RFX4: variants seen among roughly 807,000 people sequenced by gnomAD.
RFX4 encodes the protein regulatory factor X4.
In RFX4, 10 loss-of-function variants were observed where a neutral mutation model predicts 95.0. The observed-to-expected ratio is 0.11, with a 90% CI of 0.06 to 0.18. The LOEUF (loss-of-function observed/expected upper bound fraction) is 0.18. Ranked by LOEUF, RFX4 falls within the 10% of genes least tolerant of loss-of-function variation. The probability of loss-of-function intolerance (pLI) is 1.00; values close to 1 mark genes in which losing one functional copy is unlikely to be tolerated. For synonymous variants in RFX4, 321 were observed against 340.7 expected (o/e 0.94, Z 0.64); for missense variants, 640 against 922.0 (o/e 0.69, Z 3.96).
intron 1 of RFX4, among the ~76,000 whole-genome samples, chr12:106,596,237 C>G (rs186790794): frequency 2.6e-5 from 4 of 152,130 alleles, no homozygotes; most frequent in African/African-American, 9.7e-5. Context: ...GCTGTTCTTG[C>G]GATAGTCAGT....
intron 2 of RFX4, among the ~76,000 whole-genome samples, chr12:106,624,293 A>G (rs1212950259): frequency 6.6e-6 from 1 of 152,186 alleles, no homozygotes; most frequent in African/African-American, 2.4e-5. Flanking sequence ...TATACATCCC[A>G]TGATCTAATA....
chr12:106,606,848 C>T (rs939845984), intron 1 of RFX4, among the ~76,000 whole-genome samples: 3 of 152,194 alleles, frequency 2.0e-5, no homozygotes, highest in African/African-American at 7.2e-5. Flanking sequence ...TTGATTTCCC[C>T]TCTCCGCATA....
In RFX4 at chr12:106,731,717, A is replaced by G. The variant is rs571683260; in HGVS notation, c.1352-413A>G. ...CTGCCATGGACATACTTAAAGTCCA[A>G]TTGGGGGAATAATATGCTGGTGGAA... On this transcript the variant is annotated intron_variant, in intron 13 of 17. Transcript: ENST00000392842. 1.1e-4 allele frequency among the ~76,000 whole-genome samples: 16 copies of G among 152,366 alleles called. No individual in the cohort carries two copies. The South Asian group carries it at 2.7e-3, about 26-fold the overall frequency.
chr12:106,717,491 T>C (rs560278192), intron 11 of RFX4, among the ~76,000 whole-genome samples: 1 of 152,300 alleles, frequency 6.6e-6, no homozygotes, highest in South Asian at 2.1e-4. Flanking sequence ...TCAAGTTCCT[T>C]TAGGTCCAGG....
intron 4 of RFX4, among the ~76,000 whole-genome samples, chr12:106,658,706 T>A (rs1049962963): frequency 1.3e-5 from 2 of 152,184 alleles, no homozygotes; most frequent in African/African-American, 4.8e-5. Context: ...GCTATGACTG[T>A]CACCCAAATG....
At chr12:106,653,728 A>G (rs1386792605) in intron 3 of RFX4, among the ~76,000 whole-genome samples, 3 of 152,196 alleles carry the variant, frequency 2.0e-5, no homozygotes. Context: ...CTGTACAGCT[A>G]TACAGGCCTC....
At chr12:106,651,437 T>A (rs1048782696) in intron 3 of RFX4, among the ~76,000 whole-genome samples, 2 of 152,148 alleles carry the variant, frequency 1.3e-5, no homozygotes, top group African/African-American at 4.8e-5. Flanking sequence ...TAGTAAGAGC[T>A]CAACAGATGC....
intron 17 of RFX4, among the ~76,000 whole-genome samples, chr12:106,760,858 A>ATG (rs1162383398): frequency 6.6e-6 from 1 of 152,010 alleles, no homozygotes; most frequent in Non-Finnish European, 1.5e-5. Context: ...TTACTAGTGT[A>ATG]TGTGTGTGTG....
At position 106,696,313 on chromosome 12, in the gene RFX4, G is replaced by A. The variant is rs2041878571; in HGVS notation, c.700G>A (p.Gly234Arg). ...VQSFLLHFWQ[G>R]MPPHMLPVLG... ...AAGTTTCCTTCTGCACTTTTGGCAA[G>A]GAATGCCGCCCCACATGCTGCCTGT... The change falls in exon 8 of 18, where the codon GGA becomes AGA. Residue 234 changes from glycine to arginine, a missense_variant. By Grantham distance (125) the Gly-to-Arg change is moderately radical. Transcript: ENST00000392842. 6.2e-7 allele frequency: 1 copy of A among 1,614,084 alleles called. No homozygotes were observed.
chr12:106,719,686 A>T (rs1427598277), intron 11 of RFX4, among the ~76,000 whole-genome samples: 1 of 152,176 alleles, frequency 6.6e-6, no homozygotes, highest in Admixed American at 6.5e-5. Flanking sequence ...CTGAAAAAAA[A>T]AGACTAAGGC....
intron 1 of RFX4, among the ~76,000 whole-genome samples, chr12:106,606,248 G>A (rs78237112): frequency 0.012 from 1,857 of 152,274 alleles, 19 homozygotes; most frequent in Middle Eastern, 0.027. Flanking sequence ...CTGATGAAAG[G>A]GGGATTGGGG....
At chr12:106,681,604 TAA>T (rs916269996) in intron 4 of RFX4, among the ~76,000 whole-genome samples, 2 of 152,156 alleles carry the variant, frequency 1.3e-5, no homozygotes, top group African/African-American at 4.8e-5. Flanking sequence ...GTGAGAATTA[TAA>T]GAGAGGAAGG....
intron 13 of RFX4, among the ~76,000 whole-genome samples, chr12:106,727,626 G>GT (rs397734823): frequency 0.17 from 24,659 of 147,458 alleles, 2,241 homozygotes; most frequent in East Asian, 0.27. Flanking sequence ...AATTTAGTTT[G>GT]TTTTTTTTTT....
chr12:106,607,874 C>A (rs2039870741), intron 1 of RFX4, among the ~76,000 whole-genome samples: 2 of 151,804 alleles, frequency 1.3e-5, no homozygotes, highest in Non-Finnish European at 2.9e-5. Context: ...TAAAAAAAAA[C>A]AAACCATAGT....
intron 8 of RFX4, among the ~76,000 whole-genome samples, chr12:106,702,563 T>C (rs189679297): frequency 6.6e-6 from 1 of 152,264 alleles, no homozygotes; most frequent in African/African-American, 2.4e-5. Context: ...GAGCTGGAAG[T>C]GGGGATGTGG....
chr12:106,734,317 TGG>T (rs1368549945), intron 15 of RFX4, among the ~76,000 whole-genome samples: 4 of 152,132 alleles, frequency 2.6e-5, no homozygotes, highest in African/African-American at 9.7e-5. Flanking sequence ...TGGTTTATAC[TGG>T]GCGTGGTGGC....
chr12:106,721,881 T>C (rs1396673113), intron 13 of RFX4, among the ~76,000 whole-genome samples: 1 of 152,240 alleles, frequency 6.6e-6, no homozygotes, highest in Non-Finnish European at 1.5e-5. Flanking sequence ...AGTTGTGCTA[T>C]ACAACGAAGT....
intron 4 of RFX4, among the ~76,000 whole-genome samples, chr12:106,660,240 A>G (rs981734844): frequency 1.3e-5 from 2 of 152,018 alleles, no homozygotes; most frequent in African/African-American, 2.4e-5. Context: ...CTGCAAAACC[A>G]GATGGCAAAT....
At chr12:106,684,700 T>A in intron 5 of RFX4, 2 of 1,475,686 alleles carry the variant, frequency 1.4e-6, no homozygotes, top group South Asian at 1.4e-5. Context: ...ACCCACAGAG[T>A]GAGTTCCAGG....
Sources: allele counts gnomAD v4.1 joint callset (sites outside exome capture counted in the v4.1 genomes callset), GRCh38; gene constraint gnomAD v4.1.1; transcripts MANE v1.5; gene names NCBI Gene and HGNC (gene_info 2026-07-23, HGNC 2026-07-21).